The following SEMA3D variants were observed in gnomAD, a reference collection of about 807,000 sequenced individuals.
The protein encoded by SEMA3D is semaphorin-3D.
In SEMA3D, 84 loss-of-function variants were observed where a neutral mutation model predicts 100.1. The observed-to-expected ratio is 0.84, with a 90% CI of 0.70 to 1.01. The LOEUF (loss-of-function observed/expected upper bound fraction) is 1.01, where lower values mean the gene tolerates loss of function less well. Ranked by LOEUF, SEMA3D falls within the 50% of genes least tolerant of loss-of-function variation. SEMA3D has a pLI of 0.00. For synonymous variants in SEMA3D, 312 were observed against 320.7 expected (o/e 0.97, Z 0.29); for missense variants, 875 against 934.1 (o/e 0.94, Z 0.82).
Position 84,997,914 on chromosome 7 carries a change from T to C in SEMA3D, c.*1526A>G, listed in dbSNP as rs1206939906. 1.3e-5 allele frequency: 2 copies of C among 152,150 alleles called. No individual in the cohort carries two copies. Among genetic ancestry groups the C allele is most frequent in the African/African-American group, 2.4e-5 (1 of 41,436 alleles). 9.4% of individuals were successfully genotyped at this position (152,150 alleles called of 1,614,324 possible). A position where few individuals can be genotyped will look rare whatever the true frequency, so the allele number is the denominator to read the frequency against. ...GCTTAAACAGACAGGAAACACACCA[T>C]GCATATTCAGAGGGAAAGTCAAATT... is the stretch of plus-strand genomic sequence containing the variant. On this transcript the variant is annotated 3_prime_UTR_variant, in exon 19 of 19. Coordinates refer to ENST00000284136, the MANE Select transcript of SEMA3D (RefSeq NM_001384900.1).
chr7:85,144,341 T>C (rs1244040258), intron 2 of SEMA3D: 4 of 358,458 alleles, frequency 1.1e-5, no homozygotes, highest in Non-Finnish European at 1.6e-5. Context: ...CTGAATCGAG[T>C]ATCATTTATT....
chr7:85,012,043 C>T (rs574145423), intron 17 of SEMA3D, among the ~76,000 whole-genome samples: 1 of 151,718 alleles, frequency 6.6e-6, no homozygotes, highest in African/African-American at 2.4e-5. Flanking sequence ...GGAATACATA[C>T]TTTTATAGAT....
intron 12 of SEMA3D, among the ~76,000 whole-genome samples, chr7:85,024,285 A>C (rs1177685208): frequency 1.3e-5 from 2 of 151,980 alleles, no homozygotes; most frequent in African/African-American, 4.8e-5. Context: ...GTGTATCATT[A>C]AAATCAAACC....
chr7:85,116,213 CATAT>C (rs1251838138), intron 3 of SEMA3D, among the ~76,000 whole-genome samples: 1 of 147,962 alleles, frequency 6.8e-6, no homozygotes, highest in African/African-American at 2.5e-5. Context: ...TGCACATATA[CATAT>C]ATAAATACAT....
chr7:85,020,385 C>G, intron 13 of SEMA3D, 64 bp from the exon 14 acceptor site: 1 of 1,113,242 alleles, frequency 9.0e-7, no homozygotes, highest in Non-Finnish European at 1.4e-6. Context: ...TAAGCATATC[C>G]CTAGAAACCT....
In SEMA3D at chr7:85,055,870, G is replaced by A. The variant is rs765550003; in HGVS notation, c.719-11C>T. Reference sequence around the variant, plus strand: ...CAATAAATTTTGCTCCTGTTTGAAAGAAAAGAAGCTATAAATTAAGATACT... The same window carrying A: ...CAATAAATTTTGCTCCTGTTTGAAAAAAAAGAAGCTATAAATTAAGATACT... On this transcript the variant is annotated splice_polypyrimidine_tract_variant and intron_variant, in intron 8 of 18. Transcript: ENST00000284136. 6.8e-7 allele frequency: 1 copy of A among 1,474,132 alleles called. No individual in the cohort carries two copies. The highest frequency in any genetic ancestry group is 1.9e-5 in the Admixed American group (1 of 53,730). The allele number at this position is 1,474,132 out of a possible 1,614,324, so 91.3% of individuals were successfully genotyped here. A position where few individuals can be genotyped will look rare whatever the true frequency, so the allele number is the denominator to read the frequency against.
chr7:85,141,248 A>C (rs1790043280), intron 2 of SEMA3D: 3 of 984,266 alleles, frequency 3.0e-6, no homozygotes, highest in Non-Finnish European at 3.6e-6. Flanking sequence ...CTTGTTGAAG[A>C]GGGACAAGTT....
intron 12 of SEMA3D, among the ~76,000 whole-genome samples, chr7:85,024,389 C>G (rs1370646866): frequency 6.6e-6 from 1 of 151,478 alleles, no homozygotes; most frequent in African/African-American, 2.4e-5. Flanking sequence ...GTGCAGTAGC[C>G]AAAGTTTTCA....
intron 3 of SEMA3D, among the ~76,000 whole-genome samples, chr7:85,117,151 T>C (rs759781156): frequency 6.6e-6 from 1 of 152,164 alleles, no homozygotes; most frequent in Non-Finnish European, 1.5e-5. Context: ...TGTTTAAATA[T>C]ACGCACTTGA....
chr7:85,237,400 G>A, the SEMA3D span, among the ~76,000 whole-genome samples: 1 of 152,138 alleles, frequency 6.6e-6, no homozygotes, highest in African/African-American at 2.4e-5. Context: ...GTATCATACA[G>A]AACAGTTTCT....
chr7:85,239,719 G>C, the SEMA3D span, among the ~76,000 whole-genome samples: 1 of 152,126 alleles, frequency 6.6e-6, no homozygotes, highest in Non-Finnish European at 1.5e-5. Flanking sequence ...TCACTGAATG[G>C]TTTGAGCCAG....
intron 2 of SEMA3D, among the ~76,000 whole-genome samples, chr7:85,133,899 A>G (rs1789791912): frequency 6.6e-6 from 1 of 151,980 alleles, no homozygotes; most frequent in South Asian, 2.1e-4. Flanking sequence ...TTTTACATGG[A>G]CTATGATAGC....
At chr7:85,023,657 C>A (rs2115860465) in intron 12 of SEMA3D, among the ~76,000 whole-genome samples, 1 of 151,732 alleles carries the variant, frequency 6.6e-6, no homozygotes, top group East Asian at 2.0e-4. Flanking sequence ...AAACTTGGCA[C>A]TAATTAGAAT....
At chr7:85,197,583 C>G in the SEMA3D span, among the ~76,000 whole-genome samples, 3 of 151,876 alleles carry the variant, frequency 2.0e-5, no homozygotes, top group Non-Finnish European at 4.4e-5. Flanking sequence ...CAAGCTGCAC[C>G]CCGACCACCT....
chr7:85,101,217 A>G (rs1788733722), intron 3 of SEMA3D, among the ~76,000 whole-genome samples: 1 of 152,030 alleles, frequency 6.6e-6, no homozygotes, highest in South Asian at 2.1e-4. Flanking sequence ...AATTTCCCTT[A>G]TTTAACTAAG....
Position 85,153,716 on chromosome 7 carries a change from C to T in SEMA3D, c.-149G>A, listed in dbSNP as rs1016181. 97,859 of 151,962 alleles carry T rather than the reference C, an allele frequency of 0.64. 32,195 individuals carry two copies. The highest frequency in any genetic ancestry group is 0.9 in the East Asian group (4,602 of 5,140). The allele number at this position is 151,962 out of a possible 1,614,324, so 9.4% of individuals were successfully genotyped here. ...CTGGCAACCAGGACAGCAGATGTTACAGTTCTAGTCCAAGTGTAAAGACCT... is the reference window on the plus strand; with the variant it reads ...CTGGCAACCAGGACAGCAGATGTTATAGTTCTAGTCCAAGTGTAAAGACCT... On this transcript the variant is annotated 5_prime_UTR_variant, in exon 2 of 19. Transcript: ENST00000284136.
At chr7:85,060,974 C>T (rs140550054) in intron 8 of SEMA3D, among the ~76,000 whole-genome samples, 7 of 152,288 alleles carry the variant, frequency 4.6e-5, no homozygotes, top group Non-Finnish European at 1.0e-4. Context: ...CAAGTGGTCA[C>T]ACTTCTTAGT....
chr7:85,028,141 T>C lies in SEMA3D; in HGVS notation c.1192-5528A>G, dbSNP rs1165341126. 1.0e-4 allele frequency: 65 copies of C among 644,160 alleles called. No homozygotes were observed. In the East Asian group the frequency reaches 1.8e-3, roughly 18 times the overall value. The allele number at this position is 644,160 out of a possible 1,614,324, so 39.9% of individuals were successfully genotyped here. ...GATGCTGGCAGGCCCAAGGTCCAAG[T>C]AGAGTATGAGAGAGACAAAAAGCTG... is the stretch of plus-strand genomic sequence containing the variant. On this transcript the variant is annotated intron_variant, in intron 12 of 18. Transcript: ENST00000284136.
intron 9 of SEMA3D, among the ~76,000 whole-genome samples, chr7:85,045,070 C>G (rs560566016): frequency 6.6e-6 from 1 of 152,092 alleles, no homozygotes; most frequent in East Asian, 1.9e-4. Flanking sequence ...AAGGCAAAAA[C>G]TTCACTGAAG....
Sources: gnomAD v4.1 joint callset for allele counts (sites outside exome capture counted in the v4.1 genomes callset) on GRCh38, gnomAD v4.1.1 for gene constraint, MANE v1.5 for transcripts, NCBI Gene and HGNC (gene_info 2026-07-23, HGNC 2026-07-21) for gene names.